GSTA1: variants seen among roughly 807,000 people sequenced by gnomAD.
The protein encoded by GSTA1 is glutathione S-transferase A1.
Under a neutral mutation model 21.5 loss-of-function variants are expected in GSTA1, and 23 were observed. That is an observed-to-expected ratio of 1.07 (90% CI 0.77 to 1.52). The LOEUF (loss-of-function observed/expected upper bound fraction) is 1.52. Among genes scored for constraint, GSTA1 ranks in the 40% most tolerant of loss-of-function variants. The pLI is 0.00. For synonymous variants in GSTA1, 125 were observed against 90.0 expected, an observed-to-expected ratio of 1.39 and a Z score of -2.20; for missense variants, 301 against 264.2, an observed-to-expected ratio of 1.14 and a Z score of -0.96.
intron 3 of GSTA1, among the ~76,000 whole-genome samples, chr6:52,796,728 C>T (rs1160473061): frequency 1.3e-5 from 2 of 150,060 alleles, no homozygotes; most frequent in Non-Finnish European, 3.0e-5. Context: ...TTTTTACAAG[C>T]AATAGGGTCT....
rs577388492 is a variant in GSTA1 at position 52,802,716 on chromosome 6, T to C, written c.-31+1069A>G. 1.8e-3 allele frequency among the ~76,000 whole-genome samples: 270 copies of C among 152,348 alleles called. 1 individual carries two copies. Among genetic ancestry groups the C allele is most frequent in the Non-Finnish European group, 3.4e-3 (233 of 68,026 alleles). ...TCTATGTATCTATCTCTTTGTAATC[T>C]GTCTCTTCATCATCTATTATCTGTC... On this transcript the variant is annotated intron_variant, in intron 1 of 6. Coordinates refer to ENST00000334575, the MANE Select transcript of GSTA1 (RefSeq NM_145740.5).
chr6:52,794,880 T>C (rs1763540042), intron 4 of GSTA1, among the ~76,000 whole-genome samples: 1 of 152,230 alleles, frequency 6.6e-6, no homozygotes, highest in South Asian at 2.1e-4. Context: ...AAATTCTCTA[T>C]ACAGTTACAA....
chr6:52,794,168 A>T lies in GSTA1; in HGVS notation c.371T>A (p.Ile124Asn). 3 of 1,614,054 alleles carry T rather than the reference A, an allele frequency of 1.9e-6. No homozygotes were observed. Among genetic ancestry groups the T allele is most frequent in the Admixed American group, 1.7e-5 (1 of 60,010 alleles). ...PEEKDAKLAL[I>N]KEKIKNRYFP... is the part of the protein sequence containing the mutation. ...GTAGCGATTTTTTATTTTCTCTTTG[A>T]TCAAGGCAAGCTTGGCATCTTTTTC... Residue 124 changes from isoleucine (I) to asparagine (N), a missense_variant, in exon 5 of 7, where the codon ATC (isoleucine) becomes AAC (asparagine). Coordinates refer to ENST00000334575, the MANE Select transcript of GSTA1 (RefSeq NM_145740.5).
chr6:52,797,689 T>A, intron 2 of GSTA1, 52 bp from the exon 3 acceptor site: 1 of 1,504,322 alleles, frequency 6.6e-7, no homozygotes, highest in South Asian at 1.1e-5. Flanking sequence ...TATTATAGAC[T>A]GTGGCCTTGA....
intron 1 of GSTA1, among the ~76,000 whole-genome samples, chr6:52,802,047 A>G (rs1237292808): frequency 6.6e-6 from 1 of 152,164 alleles, no homozygotes; most frequent in Non-Finnish European, 1.5e-5. Context: ...AGAGGGGAAC[A>G]TCTAATTCCT....
chr6:52,803,099 A>G (rs943790834), intron 1 of GSTA1, among the ~76,000 whole-genome samples: 5 of 152,084 alleles, frequency 3.3e-5, no homozygotes, highest in African/African-American at 1.2e-4. Flanking sequence ...CGGGGAGGGA[A>G]AGGGGGTTAC....
Position 52,794,200 on chromosome 6 carries a change from T to TGGA in GSTA1, c.336_338dup (p.Pro114dup), listed in dbSNP as rs1561911211. 6.2e-7 allele frequency: 1 copy of TGGA among 1,614,020 alleles called. No individual in the cohort carries two copies. The highest frequency in any genetic ancestry group is 1.7e-5 in the Admixed American group (1 of 60,016). The stretch of plus-strand genomic sequence containing the variant: ...CAAGCTTGGCATCTTTTTCCTCAGG[T>TGGA]GGACATACGGGCAGAAGGAGGATCA... On this transcript the variant is annotated inframe_insertion, in exon 5 of 7. Transcript: ENST00000334575.
rs776421294 is a variant in GSTA1, at chr6:52,794,277, G to A, written c.273-11C>T. The A allele has an allele frequency of 1.2e-5, 20 of 1,605,612 alleles. No homozygotes were observed. The highest frequency in any genetic ancestry group is 4.5e-5 in the East Asian group (2 of 44,816). On this transcript the variant is annotated splice_polypyrimidine_tract_variant and intron_variant, in intron 4 of 6. Coordinates refer to ENST00000334575, the MANE Select transcript of GSTA1 (RefSeq NM_145740.5). Reference sequence around the variant, plus strand: ...ATATACATATCAATCCTGAAAGACAGAAACAACCAAATGGTCAAATACCTT... The same window carrying A: ...ATATACATATCAATCCTGAAAGACAAAAACAACCAAATGGTCAAATACCTT...
At chr6:52,793,724 T>C (rs1344915310) in intron 5 of GSTA1, among the ~76,000 whole-genome samples, 1 of 152,164 alleles carries the variant, frequency 6.6e-6, no homozygotes, top group African/African-American at 2.4e-5. Flanking sequence ...GGGCAATTGG[T>C]CTCCTATCTT....
intron 1 of GSTA1, among the ~76,000 whole-genome samples, chr6:52,800,557 A>G (rs1763691993): frequency 6.6e-6 from 1 of 152,232 alleles, no homozygotes; most frequent in South Asian, 2.1e-4. Flanking sequence ...GTAAATGGTT[A>G]GAGAGAAATT....
At chr6:52,798,513 T>C (rs1763639367) in intron 2 of GSTA1, among the ~76,000 whole-genome samples, 2 of 98,832 alleles carry the variant, frequency 2.0e-5, no homozygotes, top group South Asian at 8.3e-4. Flanking sequence ...TCCACTCCCT[T>C]CCATCTCTCA....
intron 4 of GSTA1, among the ~76,000 whole-genome samples, chr6:52,794,523 G>A (rs1455983900): frequency 1.3e-5 from 2 of 152,220 alleles, no homozygotes; most frequent in Admixed American, 6.5e-5. Flanking sequence ...GGTGGTCACA[G>A]TCATGAGAGA....
chr6:52,803,120 G>A (rs1006421861), intron 1 of GSTA1, among the ~76,000 whole-genome samples: 15 of 152,122 alleles, frequency 9.9e-5, no homozygotes, highest in African/African-American at 3.4e-4. Context: ...AAATCAGATA[G>A]GTAGAGGCCA....
chr6:52,793,297 G>C (rs1399388635), intron 5 of GSTA1, among the ~76,000 whole-genome samples: 1 of 152,052 alleles, frequency 6.6e-6, no homozygotes, highest in Non-Finnish European at 1.5e-5. Flanking sequence ...CATGTGTTCT[G>C]TCTGCCCCAG....
chr6:52,795,672 T>C (rs1763559471), intron 4 of GSTA1, among the ~76,000 whole-genome samples: 1 of 152,160 alleles, frequency 6.6e-6, no homozygotes. Flanking sequence ...AACCCCAGCA[T>C]CCTTGGTGCC....
At chr6:52,793,589 G>T (rs1184838082) in intron 5 of GSTA1, among the ~76,000 whole-genome samples, 3 of 152,076 alleles carry the variant, frequency 2.0e-5, no homozygotes, top group Non-Finnish European at 4.4e-5. Flanking sequence ...AAGCGTTTAC[G>T]GGTGAACTGC....
At position 52,796,205 on chromosome 6, in the gene GSTA1, C is replaced by T. The variant is rs754274257; in HGVS notation, c.249G>A (p.Gly83=). The change falls in exon 4 of 7, where the codon GGG becomes GGA. Residue 83 remains glycine (G), a synonymous_variant. Transcript: ENST00000334575. ...ACAGGGCTCTCTCCTTTATGTCTTT[C>T]CCATAGAGGTTGTATTTGCTGGCAA... ...NYIASKYNLY[G]KDIKERALID... is the part of the protein sequence containing the mutation. 1.2e-6 allele frequency: 2 copies of T among 1,613,726 alleles called. No homozygotes were observed. Among genetic ancestry groups the T allele is most frequent in the Admixed American group, 3.3e-5 (2 of 59,984 alleles).
Position 52,792,909 on chromosome 6 carries a change from A to G in GSTA1, c.493T>C (p.Tyr165His), listed in dbSNP as rs779660773. 9 of 1,614,018 alleles carry G rather than the reference A, an allele frequency of 5.6e-6. No individual in the cohort carries two copies. The highest frequency in any genetic ancestry group is 7.6e-6 in the Non-Finnish European group (9 of 1,180,006). ...RADIHLVELL[Y>H]YVEELDSSLI... ...CTGGAGTCAAGCTCCTCGACGTAGTAGAGAAGTTCCACCAGATGAATGTCA... is the reference window on the plus strand; with the variant it reads ...CTGGAGTCAAGCTCCTCGACGTAGTGGAGAAGTTCCACCAGATGAATGTCA... The change falls in exon 6 of 7, where the codon TAC becomes CAC. Residue 165 changes from tyrosine (Y) to histidine (H), a missense_variant. Physicochemically the swap from Tyr to His is moderately conservative, Grantham distance 83. Coordinates refer to ENST00000334575, the MANE Select transcript of GSTA1 (RefSeq NM_145740.5).
chr6:52,792,644 T>G, intron 6 of GSTA1: 1 of 1,268,102 alleles, frequency 7.9e-7, no homozygotes, highest in Non-Finnish European at 1.1e-6. Context: ...GGCAAAATAC[T>G]CTTTGTGGGG....
Sources: gnomAD v4.1 joint callset for allele counts (sites outside exome capture counted in the v4.1 genomes callset) on GRCh38, gnomAD v4.1.1 for gene constraint, MANE v1.5 for transcripts, NCBI Gene and HGNC (gene_info 2026-07-23, HGNC 2026-07-21) for gene names.